PTK2B: variants seen among roughly 807,000 people sequenced by gnomAD.
The protein encoded by PTK2B is protein-tyrosine kinase 2-beta.
PTK2B carries 71 observed loss-of-function variants against 142.9 expected under a neutral mutation model. The ratio of observed to expected loss-of-function variants is 0.50; its 90% confidence interval spans 0.41 to 0.61. PTK2B has a LOEUF of 0.61. Ranked by LOEUF, PTK2B falls within the 20% of genes least tolerant of loss-of-function variation. The probability of loss-of-function intolerance (pLI) is 0.00; values close to 1 mark genes in which losing one functional copy is unlikely to be tolerated. For missense variants in PTK2B, 1,105 were observed against 1,320.4 expected (o/e 0.84, Z 2.53); for synonymous variants, 519 against 503.4 (o/e 1.03, Z -0.42).
In PTK2B at chr8:27,436,251, G is replaced by T; in HGVS notation, c.1244G>T (p.Gly415Val). Residue 415 changes from glycine (G) to valine (V), a missense_variant and splice_region_variant, in exon 15 of 31, where the codon GGT (glycine) becomes GTT (valine). Transcript: ENST00000346049. ...GCGACTGTTTTCTCTGTCTGTGCAG[G>T]TCCACAGTATGGCATTGCCCGTGAA... is the stretch of plus-strand genomic sequence containing the variant. Reference protein sequence around the residue: ...IPDETLRRPGGPQYGIAREDV... With the variant: ...IPDETLRRPGVPQYGIAREDV... The T allele has an allele frequency of 3.7e-6, 6 of 1,614,048 alleles. No individual in the cohort carries two copies. Among genetic ancestry groups the T allele is most frequent in the Non-Finnish European group, 5.1e-6 (6 of 1,179,948 alleles).
At chr8:27,434,782 A>G (rs1241223392) in intron 13 of PTK2B, among the ~76,000 whole-genome samples, 4 of 152,198 alleles carry the variant, frequency 2.6e-5, no homozygotes, top group Non-Finnish European at 5.9e-5. Flanking sequence ...TGGATGGATC[A>G]TGAGGTCAAG....
rs1809604083 is a variant in PTK2B at position 27,419,397 on chromosome 8, TGG to T, written c.205-496_205-495del. The stretch of plus-strand genomic sequence containing the variant: ...GATTCCAAATCCCAGTTCCATTCCG[TGG>T]GTTGTGGGACATATATTAGTTTCTC... On this transcript the variant is annotated intron_variant, in intron 2 of 30. Transcript: ENST00000346049. Among the ~76,000 whole-genome samples, 3 of 152,190 alleles carry T rather than the reference TGG, an allele frequency of 2.0e-5. No individual in the cohort carries two copies. In the South Asian group the frequency reaches 6.2e-4, roughly 31 times the overall value.
chr8:27,425,347 A>G (rs748192334), intron 5 of PTK2B, among the ~76,000 whole-genome samples: 3 of 152,144 alleles, frequency 2.0e-5, no homozygotes, highest in Non-Finnish European at 2.9e-5. Flanking sequence ...ATATATTTAA[A>G]GTACTTAGAG....
chr8:27,417,704 G>A (rs755366906), intron 2 of PTK2B, among the ~76,000 whole-genome samples: 8 of 152,148 alleles, frequency 5.3e-5, no homozygotes, highest in African/African-American at 1.2e-4. Flanking sequence ...TGGGTGATGC[G>A]TACATGGGGG....
intron 1 of PTK2B, among the ~76,000 whole-genome samples, chr8:27,347,755 G>T (rs1361266859): frequency 6.6e-6 from 1 of 152,146 alleles, no homozygotes; most frequent in Non-Finnish European, 1.5e-5. Context: ...TAGGAATTTT[G>T]GGGGACACAA....
chr8:27,453,038 T>G, intron 27 of PTK2B, 76 bp from the exon 28 acceptor site: 2 of 1,545,848 alleles, frequency 1.3e-6, no homozygotes, highest in Non-Finnish European at 1.8e-6. Flanking sequence ...AAGGGGCTCA[T>G]TTGATGTCAG....
In PTK2B at chr8:27,337,691, C is replaced by T. The variant is rs148079753; in HGVS notation, c.-38+12010C>T. Reference sequence around the variant, plus strand: ...CATGTTGTAACATCTATTAGTACTTCGTTTCGTTTTGATTGATATTTATTG... The same window carrying T: ...CATGTTGTAACATCTATTAGTACTTTGTTTCGTTTTGATTGATATTTATTG... On this transcript the variant is annotated intron_variant, in intron 1 of 30. Coordinates refer to ENST00000346049, the MANE Select transcript of PTK2B (RefSeq NM_173176.3). Among the ~76,000 whole-genome samples the T allele has an allele frequency of 3.1e-4, 47 of 152,254 alleles. No homozygotes were observed. The East Asian group carries it at 8.5e-3, about 27-fold the overall frequency.
chr8:27,379,409 G>A (rs547615052), intron 1 of PTK2B, among the ~76,000 whole-genome samples: 2 of 152,212 alleles, frequency 1.3e-5, no homozygotes, highest in African/African-American at 2.4e-5. Context: ...AAAATTTTTT[G>A]TAGAGATAGG....
upstream of PTK2B, among the ~76,000 whole-genome samples, chr8:27,324,542 GA>G (rs1423923493): frequency 6.6e-6 from 1 of 152,354 alleles, no homozygotes; most frequent in Admixed American, 6.5e-5. Flanking sequence ...TTTCTTTTCA[GA>G]AATGGGAAGG....
chr8:27,392,495 A>G (rs1807787066), intron 1 of PTK2B, among the ~76,000 whole-genome samples: 1 of 151,952 alleles, frequency 6.6e-6, no homozygotes, highest in Non-Finnish European at 1.5e-5. Flanking sequence ...CATCTTCACC[A>G]CCCTTCTATG....
rs757670723 is a variant in PTK2B, at chr8:27,431,430, T to C, written c.843T>C (p.Ile281=). The C allele has an allele frequency of 6.2e-7, 1 of 1,614,200 alleles. No homozygotes were observed. Among genetic ancestry groups the C allele is most frequent in the Non-Finnish European group, 8.5e-7 (1 of 1,180,030 alleles). Residue 281 remains isoleucine, a synonymous_variant, in exon 9 of 31, where the codon ATT becomes ATC. Coordinates refer to ENST00000346049, the MANE Select transcript of PTK2B (RefSeq NM_173176.3). ...QGWNITVDLV[I]GPKGIRQLTS... Reference sequence around the variant, plus strand: ...GGAACATTACTGTGGACCTGGTCATTGGCCCTAAAGGGATCCGCCAGCTGA... The same window carrying C: ...GGAACATTACTGTGGACCTGGTCATCGGCCCTAAAGGGATCCGCCAGCTGA...
rs1456681623 is a variant in PTK2B at position 27,454,226 on chromosome 8, G to A, written c.2668G>A (p.Ala890Thr). ...VYLNVMELVRAVLELKNELCQ... is the reference protein window; with the variant it reads ...VYLNVMELVRTVLELKNELCQ... ...CCTCAATGTCATGGAGCTGGTGCGG[G>A]CCGTGCTGGAGCTCAAGAATGAGCT... Residue 890 changes from alanine (A) to threonine (T), a missense_variant, in exon 29 of 31, where the codon GCC (alanine) becomes ACC (threonine). Transcript: ENST00000346049. 3.7e-6 allele frequency: 6 copies of A among 1,614,036 alleles called. No homozygotes were observed. In the Admixed American group the frequency reaches 8.3e-5, roughly 22 times the overall value.
At chr8:27,369,970 C>A (rs1806250530) in intron 1 of PTK2B, among the ~76,000 whole-genome samples, 1 of 152,126 alleles carries the variant, frequency 6.6e-6, no homozygotes, top group Non-Finnish European at 1.5e-5. Flanking sequence ...GAGTGAGACT[C>A]CATCTCAAAA....
chr8:27,410,989 T>C (rs962309833), intron 2 of PTK2B, among the ~76,000 whole-genome samples: 5 of 152,246 alleles, frequency 3.3e-5, no homozygotes, highest in Admixed American at 2.0e-4. Flanking sequence ...TCGGAGAGCC[T>C]GGAAGCCCTC....
chr8:27,430,054 C>G (rs200482068), intron 5 of PTK2B, 39 bp from the exon 6 acceptor site: 281 of 1,584,322 alleles, frequency 1.8e-4, no homozygotes, highest in Non-Finnish European at 2.3e-4. Context: ...GCCTCATTCT[C>G]CAGCCTTCAG....
intron 1 of PTK2B, among the ~76,000 whole-genome samples, chr8:27,371,555 A>ATATG (rs2130931513): frequency 6.7e-6 from 1 of 150,106 alleles, no homozygotes; most frequent in African/African-American, 2.4e-5. Context: ...TTATATATAT[A>ATATG]TATATATTTT....
At chr8:27,443,045 T>A in intron 22 of PTK2B, 62 bp downstream of exon 22, 1 of 1,253,722 alleles carries the variant, frequency 8.0e-7, no homozygotes, top group Non-Finnish European at 1.2e-6. Context: ...CCCTGTCTGA[T>A]CCATGTCCCC....
At chr8:27,317,865 G>C (rs1206573431) in intron 3 of PTK2B, among the ~76,000 whole-genome samples, 2 of 152,160 alleles carry the variant, frequency 1.3e-5, no homozygotes, top group Non-Finnish European at 2.9e-5. Flanking sequence ...GAGTGGTACA[G>C]GAATAGACAG....
chr8:27,448,897 C>T (rs1302379443), intron 24 of PTK2B, among the ~76,000 whole-genome samples: 2 of 152,148 alleles, frequency 1.3e-5, no homozygotes, highest in African/African-American at 4.8e-5. Flanking sequence ...TTTATCAATT[C>T]CATGATTATA....
Sources: allele counts gnomAD v4.1 joint callset (sites outside exome capture counted in the v4.1 genomes callset), GRCh38; gene constraint gnomAD v4.1.1; transcripts MANE v1.5; gene names NCBI Gene and HGNC (gene_info 2026-07-23, HGNC 2026-07-21).